SDK2: variants seen among roughly 807,000 people sequenced by gnomAD.
SDK2 encodes sidekick cell adhesion molecule 2.
Under a neutral mutation model 253.9 loss-of-function variants are expected in SDK2, and 105 were observed. The ratio of observed to expected loss-of-function variants is 0.41; its 90% CI spans 0.35 to 0.49. The LOEUF is 0.49. SDK2 is among the 20% of genes least tolerant of loss of function. The probability of loss-of-function intolerance (pLI) is 0.06; values close to 1 mark genes in which losing one functional copy is unlikely to be tolerated. For synonymous variants in SDK2, 1,249 were observed against 1,234.9 expected (o/e 1.01, Z -0.24); for missense variants, 2,608 against 3,003.0 (o/e 0.87, Z 3.07).
chr17:73,444,955 A>T lies in SDK2; in HGVS notation c.613+2660T>A, dbSNP rs1385859212. Among the ~76,000 whole-genome samples, 2 of 152,210 alleles carry T rather than the reference A, an allele frequency of 1.3e-5. 1 individual carries two copies. Among genetic ancestry groups the T allele is most frequent in the Non-Finnish European group, 2.9e-5 (2 of 68,046 alleles). ...CTGCAATGTGGCTGGTGTCCCTTTG[A>T]TTTAATGTGATTTAATTTTAACTAA... is the stretch of plus-strand genomic sequence containing the variant. On this transcript the variant is annotated intron_variant, in intron 5 of 44. Coordinates refer to ENST00000392650, the MANE Select transcript of SDK2 (RefSeq NM_001144952.2).
At chr17:73,479,852 G>A (rs1207729934) in intron 2 of SDK2, among the ~76,000 whole-genome samples, 1 of 152,084 alleles carries the variant, frequency 6.6e-6, no homozygotes, top group Non-Finnish European at 1.5e-5. Context: ...CCCCATGCCC[G>A]GCTAATTTTT....
chr17:73,523,923 C>A (rs2070134835), intron 1 of SDK2, among the ~76,000 whole-genome samples: 1 of 152,202 alleles, frequency 6.6e-6, no homozygotes, highest in African/African-American at 2.4e-5. Context: ...GGACCTGGTA[C>A]ATCTTGGTCA....
intron 39 of SDK2, among the ~76,000 whole-genome samples, chr17:73,358,834 T>C (rs2062615873): frequency 6.6e-6 from 1 of 151,798 alleles, no homozygotes; most frequent in Non-Finnish European, 1.5e-5. Flanking sequence ...CCTGTGCTGC[T>C]AGGAGGAGGG....
At position 73,630,221 on chromosome 17, in the gene SDK2, C is replaced by T. The variant is rs114013018; in HGVS notation, c.64+13804G>A. On this transcript the variant is annotated intron_variant, in intron 1 of 44. Transcript: ENST00000392650. ...CTCCCTGGACCAGCAGCAGTGGCAGCGACACCTGGGAACTGTCAGAAATGC... is the reference window on the plus strand; with the variant it reads ...CTCCCTGGACCAGCAGCAGTGGCAGTGACACCTGGGAACTGTCAGAAATGC... 8.4e-3 allele frequency among the ~76,000 whole-genome samples: 1,275 copies of T among 152,204 alleles called. 16 individuals are homozygous for T. Among genetic ancestry groups the T allele is most frequent in the African/African-American group, 0.029 (1,224 of 41,502 alleles).
intron 1 of SDK2, among the ~76,000 whole-genome samples, chr17:73,637,811 T>G (rs995342680): frequency 3.3e-5 from 5 of 152,214 alleles, no homozygotes; most frequent in African/African-American, 1.2e-4. Context: ...CCTCTCAATT[T>G]CCTTCACATC....
At chr17:73,579,523 G>A (rs889607623) in intron 1 of SDK2, among the ~76,000 whole-genome samples, 2 of 152,144 alleles carry the variant, frequency 1.3e-5, no homozygotes, top group Non-Finnish European at 2.9e-5. Flanking sequence ...GCTGTGATGG[G>A]CTGAATTGCC....
intron 1 of SDK2, among the ~76,000 whole-genome samples, chr17:73,530,283 A>C (rs1201589023): frequency 6.6e-6 from 1 of 152,224 alleles, no homozygotes; most frequent in Non-Finnish European, 1.5e-5. Context: ...GGAAACTTAC[A>C]ATCATGGCAG....
Position 73,390,275 on chromosome 17 carries a change from G to T in SDK2, c.4192+12C>A. On this transcript the variant is annotated intron_variant, in intron 29 of 44. Coordinates refer to ENST00000392650, the MANE Select transcript of SDK2 (RefSeq NM_001144952.2). The stretch of plus-strand genomic sequence containing the variant: ...TGCCCCCAAGCCTTCCCTGGCCCCC[G>T]TGGGCAGTCACCTCTCTTCTCGGTG... The T allele has an allele frequency of 6.4e-7, 1 of 1,556,134 alleles. No individual in the cohort carries two copies. The highest frequency in any genetic ancestry group is 8.7e-7 in the Non-Finnish European group (1 of 1,154,654).
At chr17:73,417,431 A>G (rs1475565127) in intron 16 of SDK2, among the ~76,000 whole-genome samples, 1 of 151,848 alleles carries the variant, frequency 6.6e-6, no homozygotes, top group Non-Finnish European at 1.5e-5. Flanking sequence ...AAAATAAATT[A>G]TACATGGATT....
chr17:73,341,784 G>C (rs1262501787), intron 44 of SDK2, among the ~76,000 whole-genome samples: 1 of 152,190 alleles, frequency 6.6e-6, no homozygotes. Context: ...ACAATGAATA[G>C]AACTATAATG....
At chr17:73,508,029 G>T (rs558319464) in intron 1 of SDK2, among the ~76,000 whole-genome samples, 1 of 152,238 alleles carries the variant, frequency 6.6e-6, no homozygotes, top group Admixed American at 6.5e-5. Context: ...ACAACTGTAG[G>T]GGGTAAAGGG....
rs2063346696 is a variant in SDK2, at chr17:73,433,842, G to T, written c.1202C>A (p.Ala401Asp). 1 of 1,544,410 alleles carries T rather than the reference G, an allele frequency of 6.5e-7. No individual in the cohort carries two copies. The highest frequency in any genetic ancestry group is 8.7e-7 in the Non-Finnish European group (1 of 1,145,812). ...TSTYLAVTSI[A>D]PNITRGPLDS... ...CAGGGGGCCTCTGGTGATGTTAGGG[G>T]CGATGCCTGCAAACAGAGAAGTGGG... Residue 401 changes from alanine (A) to aspartate (D), a missense_variant, in exon 10 of 45, where the codon GCC (alanine) becomes GAC (aspartate). Transcript: ENST00000392650.
chr17:73,449,880 A>C (rs2063479582), intron 4 of SDK2, among the ~76,000 whole-genome samples: 1 of 152,030 alleles, frequency 6.6e-6, no homozygotes, highest in Non-Finnish European at 1.5e-5. Flanking sequence ...CCGAGGTCGC[A>C]CCGTTGCACT....
chr17:73,620,459 T>C (rs565540709), intron 1 of SDK2, among the ~76,000 whole-genome samples: 4 of 152,278 alleles, frequency 2.6e-5, no homozygotes, highest in Admixed American at 1.3e-4. Flanking sequence ...CTGTGGAAAA[T>C]AGTTTGTTCG....
intron 1 of SDK2, among the ~76,000 whole-genome samples, chr17:73,604,309 G>A (rs1182559594): frequency 1.3e-5 from 2 of 152,238 alleles, no homozygotes; most frequent in African/African-American, 2.4e-5. Context: ...CCCAGTCAGA[G>A]CCAGCTCCTC....
At chr17:73,573,367 G>A (rs1301977585) in intron 1 of SDK2, among the ~76,000 whole-genome samples, 1 of 152,046 alleles carries the variant, frequency 6.6e-6, no homozygotes, top group East Asian at 1.9e-4. Flanking sequence ...GCTGCACCAG[G>A]GAAAGGACAC....
intron 1 of SDK2, among the ~76,000 whole-genome samples, chr17:73,553,098 G>A (rs2045088402): frequency 6.6e-6 from 1 of 152,216 alleles, no homozygotes; most frequent in African/African-American, 2.4e-5. Flanking sequence ...TTCTGTGGGG[G>A]CTGGGAGGGA....
chr17:73,482,447 G>A (rs765180693), intron 2 of SDK2, among the ~76,000 whole-genome samples: 5 of 152,202 alleles, frequency 3.3e-5, no homozygotes, highest in Non-Finnish European at 5.9e-5. Flanking sequence ...GATGTCTCAG[G>A]GCCTGCTGGC....
rs1337391432 is a variant in SDK2 at position 73,644,122 on chromosome 17, C to T, written c.-34G>A. 1 of 1,520,414 alleles carries T rather than the reference C, an allele frequency of 6.6e-7. No homozygotes were observed. Among genetic ancestry groups the T allele is most frequent in the Non-Finnish European group, 8.9e-7 (1 of 1,118,982 alleles). 94.2% of individuals were successfully genotyped at this position (1,520,414 alleles called of 1,614,324 possible). ...GCCTGGAGAGGGGTCCTCGGGGTCTCCCTTCCCTCCGCCCTGTTTTATAAT... is the reference window on the plus strand; with the variant it reads ...GCCTGGAGAGGGGTCCTCGGGGTCTTCCTTCCCTCCGCCCTGTTTTATAAT... On this transcript the variant is annotated 5_prime_UTR_variant, in exon 1 of 45. Coordinates refer to ENST00000392650, the MANE Select transcript of SDK2 (RefSeq NM_001144952.2). This position sits in a 1 kb window ranked among gnomAD's most constrained non-coding sequence, Gnocchi z 6.3.
Sources: allele counts gnomAD v4.1 joint callset (sites outside exome capture counted in the v4.1 genomes callset), GRCh38; gene constraint gnomAD v4.1.1; non-coding constraint Gnocchi (gnomAD v3.1); transcripts MANE v1.5; gene names NCBI Gene and HGNC (gene_info 2026-07-23, HGNC 2026-07-21).